NUDT21: variants seen among roughly 807,000 people sequenced by gnomAD.
The protein encoded by NUDT21 is nudix hydrolase 21.
In NUDT21, 5 loss-of-function variants were observed where a neutral mutation model predicts 29.8. The observed-to-expected ratio is 0.17, with a 90% CI of 0.09 to 0.35. The LOEUF (loss-of-function observed/expected upper bound fraction) is 0.35. Among genes scored for constraint, NUDT21 ranks in the 10% least tolerant of loss-of-function variants. The pLI is 1.00. For missense variants in NUDT21, 76 were observed against 276.0 expected, an observed-to-expected ratio of 0.28 and a Z score of 5.13; for synonymous variants, 113 against 98.5, an observed-to-expected ratio of 1.15 and a Z score of -0.87.
intron 4 of NUDT21, among the ~76,000 whole-genome samples, chr16:56,437,781 G>A (rs190090282): frequency 9.9e-5 from 15 of 152,172 alleles, no homozygotes; most frequent in African/African-American, 3.1e-4. Flanking sequence ...CAAACTGCCT[G>A]TACCCAAGTC....
chr16:56,441,856 T>C (rs1426576968), intron 3 of NUDT21, among the ~76,000 whole-genome samples: 2 of 152,248 alleles, frequency 1.3e-5, no homozygotes, highest in Non-Finnish European at 2.9e-5. Flanking sequence ...AATTCAAATA[T>C]CAATTGTCAG....
rs1346737167 is a variant in NUDT21, at chr16:56,446,504, T to C, written c.381+122A>G. 6.8e-6 allele frequency: 4 copies of C among 586,066 alleles called. No individual in the cohort carries two copies. The African/African-American group carries it at 7.7e-5, about 11-fold the overall frequency. The allele number at this position is 586,066 out of a possible 1,614,324, so 36.3% of individuals were successfully genotyped here. ...AAAAATCAACATTGTACTAACCTTC[T>C]GGAGTTTAAGTTGTATTTATTGAAA... On this transcript the variant is annotated intron_variant, in intron 3 of 6. Coordinates refer to ENST00000300291, the MANE Select transcript of NUDT21 (RefSeq NM_007006.3).
intron 3 of NUDT21, among the ~76,000 whole-genome samples, chr16:56,440,512 T>C (rs1352772846): frequency 6.6e-6 from 1 of 152,216 alleles, no homozygotes; most frequent in Non-Finnish European, 1.5e-5. Flanking sequence ...TTTTCATACC[T>C]TCCTTGTGTT....
At chr16:56,443,997 T>C (rs532249703) in intron 3 of NUDT21, among the ~76,000 whole-genome samples, 2 of 152,210 alleles carry the variant, frequency 1.3e-5, no homozygotes, top group Non-Finnish European at 2.9e-5. Context: ...CTGGGATATA[T>C]AAATCTAATT....
intron 3 of NUDT21, among the ~76,000 whole-genome samples, chr16:56,443,080 A>G (rs1314557831): frequency 1.3e-5 from 2 of 152,070 alleles, no homozygotes; most frequent in African/African-American, 4.8e-5. Context: ...TTTTCTCCAA[A>G]AGCCTGGTGA....
Position 56,441,322 on chromosome 16 carries a change from C to T in NUDT21, c.382-1576G>A, listed in dbSNP as rs1487427816. Reference sequence around the variant, plus strand: ...CGCAATCTTGGCTCACTGCAACCTCCACCACCCAGGTCCAAGCGACTCCCC... The same window carrying T: ...CGCAATCTTGGCTCACTGCAACCTCTACCACCCAGGTCCAAGCGACTCCCC... On this transcript the variant is annotated intron_variant, in intron 3 of 6. Coordinates refer to ENST00000300291, the MANE Select transcript of NUDT21 (RefSeq NM_007006.3). Among the ~76,000 whole-genome samples the T allele has an allele frequency of 2.6e-5, 4 of 152,150 alleles. No individual in the cohort carries two copies. The East Asian group carries it at 7.7e-4, about 29-fold the overall frequency.
intron 3 of NUDT21, among the ~76,000 whole-genome samples, chr16:56,440,120 C>T (rs1270912422): frequency 6.6e-6 from 1 of 152,210 alleles, no homozygotes; most frequent in African/African-American, 2.4e-5. Context: ...CACCCATTCC[C>T]ACTGGCTGTA....
At chr16:56,448,430 G>A (rs1382860468) in intron 1 of NUDT21, among the ~76,000 whole-genome samples, 1 of 152,124 alleles carries the variant, frequency 6.6e-6, no homozygotes, top group African/African-American at 2.4e-5. Flanking sequence ...CTAAGCCACC[G>A]TTTTTCATCA....
chr16:56,434,926 A>G lies in NUDT21; in HGVS notation c.472-97T>C, dbSNP rs1293068582. 16 of 730,706 alleles carry G rather than the reference A, an allele frequency of 2.2e-5. 1 individual carries two copies. The highest frequency in any genetic ancestry group is 1.7e-4 in the Admixed American group (7 of 40,436). 45.3% of individuals were successfully genotyped at this position (730,706 alleles called of 1,614,324 possible). A position where few individuals can be genotyped will look rare whatever the true frequency, so the allele number is the denominator to read the frequency against. The stretch of plus-strand genomic sequence containing the variant: ...TATAGTATAAACTGTTGGGAGAAGC[A>G]TACTACTTTCTGTCCTCTTTACCAG... On this transcript the variant is annotated intron_variant, in intron 4 of 6. Transcript: ENST00000300291.
chr16:56,440,749 T>A (rs567265291), intron 3 of NUDT21, among the ~76,000 whole-genome samples: 46 of 151,692 alleles, frequency 3.0e-4, no homozygotes, highest in Non-Finnish European at 4.0e-4. Flanking sequence ...AAAAAAAAAA[T>A]TTTTTTTTGA....
At chr16:56,443,759 C>G (rs1245313460) in intron 3 of NUDT21, among the ~76,000 whole-genome samples, 1 of 152,206 alleles carries the variant, frequency 6.6e-6, no homozygotes, top group Admixed American at 6.5e-5. Flanking sequence ...ATGCCCACTC[C>G]CATTTTGCTT....
intron 3 of NUDT21, among the ~76,000 whole-genome samples, chr16:56,441,344 C>T (rs1219142161): frequency 6.6e-6 from 1 of 152,174 alleles, no homozygotes; most frequent in African/African-American, 2.4e-5. Context: ...CCAAGCGACT[C>T]CCCTGCCTCA....
rs1962023902 is a variant in NUDT21 at position 56,430,683 on chromosome 16, A to C, written c.*2029T>G. ...TATTATTTCCATCAGAAAACCAAAA[A>C]CAGATTATTGGGGATCCACCTGTAA... On this transcript the variant is annotated 3_prime_UTR_variant, in exon 7 of 7. Coordinates refer to ENST00000300291, the MANE Select transcript of NUDT21 (RefSeq NM_007006.3). 1 of 152,202 alleles carries C rather than the reference A, an allele frequency of 6.6e-6. No individual in the cohort carries two copies. The highest frequency in any genetic ancestry group is 2.1e-4 in the South Asian group (1 of 4,832). 9.4% of individuals were successfully genotyped at this position (152,202 alleles called of 1,614,324 possible). A position where few individuals can be genotyped will look rare whatever the true frequency, so the allele number is the denominator to read the frequency against.
chr16:56,441,626 C>A (rs1236662367), intron 3 of NUDT21, among the ~76,000 whole-genome samples: 1 of 152,208 alleles, frequency 6.6e-6, no homozygotes, highest in South Asian at 2.1e-4. Flanking sequence ...CCTAGTTACA[C>A]TTTTTCTTCC....
At chr16:56,446,742 C>G in intron 2 of NUDT21, 53 bp from the exon 3 acceptor site, 1 of 1,054,902 alleles carries the variant, frequency 9.5e-7, no homozygotes, top group Non-Finnish European at 1.4e-6. Flanking sequence ...TTGGAGATAA[C>G]AAATAACACA....
At chr16:56,450,744 A>G (rs1962294036) in intron 1 of NUDT21, among the ~76,000 whole-genome samples, 1 of 152,252 alleles carries the variant, frequency 6.6e-6, no homozygotes, top group South Asian at 2.1e-4. Context: ...CGTGATGCGA[A>G]AGCATAAACA....
intron 3 of NUDT21, among the ~76,000 whole-genome samples, chr16:56,442,641 G>T (rs1416592189): frequency 6.6e-6 from 1 of 152,120 alleles, no homozygotes; most frequent in Non-Finnish European, 1.5e-5. Flanking sequence ...ATTCACTATA[G>T]AGGCAAGGCC....
At chr16:56,437,950 G>T (rs1313526857) in intron 4 of NUDT21, among the ~76,000 whole-genome samples, 1 of 151,872 alleles carries the variant, frequency 6.6e-6, no homozygotes, top group African/African-American at 2.4e-5. Flanking sequence ...TTTTATATGA[G>T]GATCACAACC....
intron 3 of NUDT21, among the ~76,000 whole-genome samples, chr16:56,442,185 G>C (rs575243299): frequency 6.6e-6 from 1 of 152,332 alleles, no homozygotes; most frequent in South Asian, 2.1e-4. Flanking sequence ...CCCAGCCTAA[G>C]ACACGTTTTT....
Sources: allele counts gnomAD v4.1 joint callset (sites outside exome capture counted in the v4.1 genomes callset), GRCh38; gene constraint gnomAD v4.1.1; transcripts MANE v1.5; gene names NCBI Gene and HGNC (gene_info 2026-07-23, HGNC 2026-07-21).